Variants in PALM2AKAP2 observed in about 807,000 individuals in gnomAD.
PALM2AKAP2 encodes the protein PALM2 and AKAP2 fusion.
Under a neutral mutation model 71.5 loss-of-function variants are expected in PALM2AKAP2, and 37 were observed. The ratio of observed to expected loss-of-function variants is 0.52; its 90% CI spans 0.40 to 0.68. The LOEUF (loss-of-function observed/expected upper bound fraction) is 0.68, where lower values mean the gene tolerates loss of function less well. PALM2AKAP2 is among the 30% of genes least tolerant of loss of function. The pLI, the probability that PALM2AKAP2 is intolerant of heterozygous loss-of-function variation, is 0.00. For synonymous variants in PALM2AKAP2, 468 were observed against 478.8 expected, an observed-to-expected ratio of 0.98 and a Z score of 0.29; for missense variants, 1,224 against 1,191.8, an observed-to-expected ratio of 1.03 and a Z score of -0.40.
At chr9:109,707,252 C>T (rs964793314) in intron 1 of PALM2AKAP2, among the ~76,000 whole-genome samples, 2 of 151,886 alleles carry the variant, frequency 1.3e-5, no homozygotes, top group Non-Finnish European at 2.9e-5. Context: ...AATCCATTTC[C>T]AAGTTTAGAG....
rs145241080 is a variant in PALM2AKAP2, at chr9:109,786,686, C to A, written c.45+6153C>A. On this transcript the variant is annotated intron_variant, in intron 1 of 9. Transcript: ENST00000302798. ...ACCCAGCATGCATAAGGGTCACACACCTCCCTGCTACTTATTTGTACCTCT... is the reference window on the plus strand; with the variant it reads ...ACCCAGCATGCATAAGGGTCACACAACTCCCTGCTACTTATTTGTACCTCT... 4.5e-3 allele frequency among the ~76,000 whole-genome samples: 689 copies of A among 152,244 alleles called. 7 individuals carry two copies. Among genetic ancestry groups the A allele is most frequent in the African/African-American group, 0.016 (652 of 41,518 alleles).
Position 110,136,966 on chromosome 9 carries a change from TC to T in PALM2AKAP2, c.1001del (p.Pro334ArgfsTer64). 6.2e-7 allele frequency: 1 copy of T among 1,613,708 alleles called. No individual in the cohort carries two copies. Among genetic ancestry groups the T allele is most frequent in the Non-Finnish European group, 8.5e-7 (1 of 1,179,958 alleles). ...CTGGCATTGCAGCAAAATGGTGGAA[TC>T]CCCCGCAGGAAAAAACCATCGAGGA... On this transcript the variant is annotated frameshift_variant, in exon 2 of 4. Transcript: ENST00000374525. LOFTEE classifies it high-confidence loss of function.
intron 6 of PALM2AKAP2, among the ~76,000 whole-genome samples, chr9:109,974,299 C>A (rs1832127736): frequency 6.6e-6 from 1 of 152,220 alleles, no homozygotes; most frequent in Non-Finnish European, 1.5e-5. Context: ...TGGGCATATG[C>A]CCAGCCTGTT....
intron 1 of PALM2AKAP2, among the ~76,000 whole-genome samples, chr9:109,727,237 G>T (rs922516872): frequency 7.9e-5 from 12 of 152,220 alleles, no homozygotes; most frequent in African/African-American, 2.9e-4. Flanking sequence ...TATGCTTTAA[G>T]TCTTCTTGTG....
At chr9:109,643,494 A>C (rs1827103538) in intron 1 of PALM2AKAP2, among the ~76,000 whole-genome samples, 1 of 152,202 alleles carries the variant, frequency 6.6e-6, no homozygotes, top group Non-Finnish European at 1.5e-5. Context: ...GTAAGTTTAC[A>C]AAGGTCCTCA....
At chr9:109,827,692 T>G (rs1828191538) in intron 1 of PALM2AKAP2, among the ~76,000 whole-genome samples, 1 of 152,130 alleles carries the variant, frequency 6.6e-6, no homozygotes, top group Non-Finnish European at 1.5e-5. Context: ...AAACTTTTCC[T>G]TTATCTCCTT....
chr9:109,831,457 C>T (rs945774789), intron 1 of PALM2AKAP2, among the ~76,000 whole-genome samples: 17 of 152,122 alleles, frequency 1.1e-4, no homozygotes, highest in African/African-American at 4.8e-5. Context: ...ACCACCTGTC[C>T]TGTTGTGTGG....
intron 6 of PALM2AKAP2, among the ~76,000 whole-genome samples, chr9:110,012,133 A>G (rs1343129446): frequency 6.6e-6 from 1 of 151,960 alleles, no homozygotes; most frequent in Non-Finnish European, 1.5e-5. Context: ...TTTCTACTAA[A>G]ATTACAAAAA....
At chr9:110,126,918 G>A (rs2119036556) in intron 1 of PALM2AKAP2, among the ~76,000 whole-genome samples, 1 of 152,328 alleles carries the variant, frequency 6.6e-6, no homozygotes, top group East Asian at 1.9e-4. Flanking sequence ...ATGGTGCTGG[G>A]GGAGACTCCG....
chr9:109,888,665 G>A (rs993308212), intron 3 of PALM2AKAP2, among the ~76,000 whole-genome samples: 2 of 134,080 alleles, frequency 1.5e-5, no homozygotes, highest in African/African-American at 2.9e-5. Context: ...AGCCGAGATC[G>A]CACCATTGCA....
intron 1 of PALM2AKAP2, among the ~76,000 whole-genome samples, chr9:110,124,880 A>G (rs1835562512): frequency 6.6e-6 from 1 of 151,582 alleles, no homozygotes; most frequent in African/African-American, 2.4e-5. Context: ...TGATATGAGT[A>G]AAAAAAAAGT....
At chr9:109,769,180 G>A (rs150984806) in intron 1 of PALM2AKAP2, among the ~76,000 whole-genome samples, 84 of 152,134 alleles carry the variant, frequency 5.5e-4, no homozygotes, top group African/African-American at 1.9e-3. Context: ...TTACTCCTAC[G>A]AAAGTGAAAT....
intron 6 of PALM2AKAP2, chr9:109,943,477 C>A: frequency 2.0e-6 from 3 of 1,538,428 alleles, no homozygotes; most frequent in Non-Finnish European, 2.6e-6. Flanking sequence ...CCACCACTCA[C>A]GTAGACCTCA....
At chr9:110,171,935 G>A (rs992157855) in exon 4 of PALM2AKAP2, 2 of 152,594 alleles carry the variant, frequency 1.3e-5, no homozygotes, top group Non-Finnish European at 2.9e-5. Context: ...GCCGTGCTGT[G>A]TTTTACTTGG....
rs537611381 is a variant in PALM2AKAP2 at position 109,696,330 on chromosome 9, A to C, written c.5+55464A>C. Among the ~76,000 whole-genome samples the C allele has an allele frequency of 2.0e-4, 30 of 152,334 alleles. No homozygotes were observed. The South Asian group carries it at 2.7e-3, about 14-fold the overall frequency. Reference sequence around the variant, plus strand: ...TGAAATGGAAATAAAAATAGCTTTAAAACATATTGAAAAATATTCAGAACT... The same window carrying C: ...TGAAATGGAAATAAAAATAGCTTTACAACATATTGAAAAATATTCAGAACT... On this transcript the variant is annotated intron_variant, in intron 1 of 6. Coordinates refer to the PALM2AKAP2 transcript ENST00000374531.
At chr9:110,028,785 T>C (rs768289875) in intron 7 of PALM2AKAP2, among the ~76,000 whole-genome samples, 3 of 152,148 alleles carry the variant, frequency 2.0e-5, no homozygotes, top group Non-Finnish European at 4.4e-5. Context: ...AAAAATTATT[T>C]GTTGTTTACC....
intron 5 of PALM2AKAP2, among the ~76,000 whole-genome samples, chr9:109,930,555 C>A (rs1308759499): frequency 6.6e-6 from 1 of 152,196 alleles, no homozygotes; most frequent in Non-Finnish European, 1.5e-5. Flanking sequence ...GATACTCTAC[C>A]TTTGCCTATG....
chr9:109,814,809 G>T (rs1186915846), intron 1 of PALM2AKAP2, among the ~76,000 whole-genome samples: 2 of 152,198 alleles, frequency 1.3e-5, no homozygotes. Context: ...CCTGTAACTG[G>T]ATTGGAAGGT....
chr9:109,961,409 T>A (rs1043020129), intron 6 of PALM2AKAP2, among the ~76,000 whole-genome samples: 1 of 152,204 alleles, frequency 6.6e-6, no homozygotes, highest in Non-Finnish European at 1.5e-5. Flanking sequence ...TATTTCATGA[T>A]GTTGTAGCTG....
Sources: gnomAD v4.1 joint callset for allele counts (sites outside exome capture counted in the v4.1 genomes callset) on GRCh38, gnomAD v4.1.1 for gene constraint, MANE v1.5 for transcripts, NCBI Gene and HGNC (gene_info 2026-07-23, HGNC 2026-07-21) for gene names.